RNF180: variants seen among roughly 807,000 people sequenced by gnomAD.
RNF180 encodes the protein ring finger protein 180.
RNF180 carries 38 observed loss-of-function variants against 59.2 expected under a neutral mutation model. The ratio of observed to expected loss-of-function variants is 0.64; its 90% CI spans 0.50 to 0.84. The LOEUF (loss-of-function observed/expected upper bound fraction) is 0.84, where lower values mean the gene tolerates loss of function less well. Ranked by LOEUF, RNF180 falls within the 40% of genes least tolerant of loss-of-function variation. The probability of loss-of-function intolerance (pLI) is 0.00; values close to 1 mark genes in which losing one functional copy is unlikely to be tolerated. For missense variants in RNF180, 705 were observed against 700.9 expected (o/e 1.01, Z -0.07); for synonymous variants, 262 against 240.3 (o/e 1.09, Z -0.84).
At chr5:64,177,290 C>T (rs1005222904) in intron 1 of RNF180, among the ~76,000 whole-genome samples, 5 of 151,762 alleles carry the variant, frequency 3.3e-5, no homozygotes, top group African/African-American at 1.2e-4. Flanking sequence ...TTTAGATGTC[C>T]ATATCTCTTC....
At position 64,231,783 on chromosome 5, in the gene RNF180, A is replaced by G. The variant is rs552206587; in HGVS notation, c.1227+14387A>G. Among the ~76,000 whole-genome samples the G allele has an allele frequency of 1.0e-3, 154 of 152,220 alleles. 1 individual carries two copies. The highest frequency in any genetic ancestry group is 1.8e-3 in the Non-Finnish European group (124 of 68,028). Reference sequence around the variant, plus strand: ...CTATCATCTCACTTATATTAGGTGAATGCGTTTATTATTGGGGTTAAGCTT... The same window carrying G: ...CTATCATCTCACTTATATTAGGTGAGTGCGTTTATTATTGGGGTTAAGCTT... On this transcript the variant is annotated intron_variant, in intron 5 of 7. Transcript: ENST00000389100.
At position 64,319,015 on chromosome 5, in the gene RNF180, A is replaced by G. The variant is rs572039460; in HGVS notation, c.1228-6171A>G. On this transcript the variant is annotated intron_variant, in intron 5 of 7. Coordinates refer to ENST00000389100, the MANE Select transcript of RNF180 (RefSeq NM_001113561.2). Reference sequence around the variant, plus strand: ...TGTGGACTTCAGTTGTCAATAATGTATTAAAGTTCGTTCATCATTTGTAAC... The same window carrying G: ...TGTGGACTTCAGTTGTCAATAATGTGTTAAAGTTCGTTCATCATTTGTAAC... 3.5e-4 allele frequency among the ~76,000 whole-genome samples: 54 copies of G among 152,270 alleles called. 1 individual carries two copies. The South Asian group carries it at 7.9e-3, about 22-fold the overall frequency.
chr5:64,214,191 A>G lies in RNF180; in HGVS notation c.865A>G (p.Ser289Gly). 1 of 1,614,146 alleles carries G rather than the reference A, an allele frequency of 6.2e-7. No individual in the cohort carries two copies. Among genetic ancestry groups the G allele is most frequent in the Non-Finnish European group, 8.5e-7 (1 of 1,180,020 alleles). ...SFQNPSSFDP[S>G]MLLQRFSVAP... is the part of the protein sequence containing the mutation. ...TCAGAATCCATCCAGTTTTGATCCT[A>G]GTATGCTGCTGCAAAGATTTTCAGT... The change falls in exon 4 of 8, where the codon AGT (serine) becomes GGT (glycine). Residue 289 changes from serine to glycine, a missense_variant. By Grantham distance (56) the Ser-to-Gly change is moderately conservative (BLOSUM62 0). Coordinates refer to ENST00000389100, the MANE Select transcript of RNF180 (RefSeq NM_001113561.2).
chr5:64,261,824 C>G (rs879693339), intron 5 of RNF180, among the ~76,000 whole-genome samples: 2 of 152,174 alleles, frequency 1.3e-5, no homozygotes, highest in East Asian at 3.9e-4. Flanking sequence ...CCATCACTTG[C>G]GTTTGGTGTT....
rs143707598 is a variant in RNF180 at position 64,276,374 on chromosome 5, GGTGT to G, written c.1228-48797_1228-48794del. Among the ~76,000 whole-genome samples, 32 of 145,454 alleles carry G rather than the reference GGTGT, an allele frequency of 2.2e-4. No individual in the cohort carries two copies. The East Asian group carries it at 3.7e-3, about 17-fold the overall frequency. ...TGTGTGTGTGTACAAAAACCACATTGGTGTGTGTGTGTGTGTGTTTATTTATTTT... is the reference window on the plus strand; with the variant it reads ...TGTGTGTGTGTACAAAAACCACATTGGTGTGTGTGTGTGTTTATTTATTTT... On this transcript the variant is annotated intron_variant, in intron 5 of 7. Coordinates refer to ENST00000389100, the MANE Select transcript of RNF180 (RefSeq NM_001113561.2).
chr5:64,268,754 C>T lies in RNF180; in HGVS notation c.1227+51358C>T, dbSNP rs553720283. ...CAGTGCTGCAGCCAAAAACCTAGTC[C>T]ATCACCGTGTCATATTTGGACTGCT... On this transcript the variant is annotated intron_variant, in intron 5 of 7. Transcript: ENST00000389100. Among the ~76,000 whole-genome samples, 15 of 152,220 alleles carry T rather than the reference C, an allele frequency of 9.9e-5. 2 individuals carry two copies. The highest frequency in any genetic ancestry group is 3.6e-4 in the African/African-American group (15 of 41,548).
At chr5:64,324,777 C>T (rs1318562856) in intron 5 of RNF180, among the ~76,000 whole-genome samples, 1 of 152,120 alleles carries the variant, frequency 6.6e-6, no homozygotes, top group African/African-American at 2.4e-5. Flanking sequence ...CTTCTGCCTT[C>T]ACTTTTCATC....
intron 5 of RNF180, among the ~76,000 whole-genome samples, chr5:64,256,799 G>T (rs999411432): frequency 1.3e-5 from 2 of 152,036 alleles, no homozygotes; most frequent in Non-Finnish European, 2.9e-5. Context: ...GGGCAGTATG[G>T]CCACTTTCAC....
chr5:64,173,713 T>A (rs2111889096), intron 1 of RNF180, among the ~76,000 whole-genome samples: 1 of 146,144 alleles, frequency 6.8e-6, no homozygotes, highest in Admixed American at 6.9e-5. Context: ...TTCTATAGCA[T>A]CAACTTTTTT....
rs554963883 is a variant in RNF180 at position 64,289,875 on chromosome 5, T to A, written c.1228-35311T>A. On this transcript the variant is annotated intron_variant, in intron 5 of 7. Coordinates refer to ENST00000389100, the MANE Select transcript of RNF180 (RefSeq NM_001113561.2). ...TTTATTTTTTTTGAAAGGTTTTTTT[T>A]ATGTCTGTCTCCTTCAGCTCTGATT... Among the ~76,000 whole-genome samples, 226 of 152,292 alleles carry A rather than the reference T, an allele frequency of 1.5e-3. 1 individual carries two copies. The highest frequency in any genetic ancestry group is 5.2e-3 in the African/African-American group (217 of 41,590).
At chr5:64,344,195 G>C (rs1025046467) in intron 7 of RNF180, among the ~76,000 whole-genome samples, 1 of 151,978 alleles carries the variant, frequency 6.6e-6, no homozygotes, top group African/African-American at 2.4e-5. Context: ...ATTATATGTT[G>C]TTTATAAGAG....
chr5:64,221,027 C>A (rs756991742), intron 5 of RNF180, among the ~76,000 whole-genome samples: 31 of 152,010 alleles, frequency 2.0e-4, no homozygotes, highest in Admixed American at 7.9e-4. Flanking sequence ...TACAAAGGCA[C>A]TAAGTTTCAT....
intron 2 of RNF180, 106 bp downstream of exon 2, chr5:64,201,048 A>G (rs866478023): frequency 1.2e-5 from 10 of 852,848 alleles, no homozygotes; most frequent in South Asian, 8.3e-5. Flanking sequence ...GAATATTTAT[A>G]GTTCTTTGTC....
At chr5:64,359,134 C>G (rs1002721503) in intron 7 of RNF180, among the ~76,000 whole-genome samples, 5 of 151,390 alleles carry the variant, frequency 3.3e-5, no homozygotes, top group Admixed American at 3.3e-4. Flanking sequence ...ATTTATAGTC[C>G]TTTGGGTATA....
intron 7 of RNF180, among the ~76,000 whole-genome samples, chr5:64,350,368 G>C (rs1185305408): frequency 6.6e-6 from 1 of 152,092 alleles, no homozygotes; most frequent in Non-Finnish European, 1.5e-5. Flanking sequence ...TAGGTTGCCT[G>C]TTCACTCTGA....
At chr5:64,184,407 G>T (rs1340468405) in intron 1 of RNF180, among the ~76,000 whole-genome samples, 1 of 151,914 alleles carries the variant, frequency 6.6e-6, no homozygotes, top group African/African-American at 2.4e-5. Context: ...TCTATTGATG[G>T]TTTTGTCTAG....
At chr5:64,215,206 A>G (rs1182660859) in intron 4 of RNF180, among the ~76,000 whole-genome samples, 2 of 152,152 alleles carry the variant, frequency 1.3e-5, no homozygotes, top group Non-Finnish European at 2.9e-5. Flanking sequence ...CCAATGGATG[A>G]GATGCTCATG....
intron 2 of RNF180, among the ~76,000 whole-genome samples, chr5:64,204,716 T>C (rs1751928737): frequency 6.6e-6 from 1 of 152,190 alleles, no homozygotes; most frequent in Admixed American, 6.6e-5. Flanking sequence ...TTGTACTGTT[T>C]AAGAAAATCT....
intron 5 of RNF180, among the ~76,000 whole-genome samples, chr5:64,316,293 T>A (rs761455562): frequency 2.4e-4 from 37 of 152,156 alleles, no homozygotes; most frequent in African/African-American, 7.5e-4. Flanking sequence ...GAATCACACT[T>A]AAGAATTGTT....
Sources: gnomAD v4.1 joint callset for allele counts (sites outside exome capture counted in the v4.1 genomes callset) on GRCh38, gnomAD v4.1.1 for gene constraint, MANE v1.5 for transcripts, NCBI Gene and HGNC (gene_info 2026-07-23, HGNC 2026-07-21) for gene names.